ANK2: variants seen among roughly 807,000 people sequenced by gnomAD.
ANK2 encodes the protein ankyrin 2.
Under a neutral mutation model 360.5 loss-of-function variants are expected in ANK2, and 83 were observed. The ratio of observed to expected loss-of-function variants is 0.23; its 90% CI spans 0.19 to 0.28. The LOEUF is 0.28. ANK2 is among the 10% of genes least tolerant of loss of function. The pLI is 1.00. For missense variants in ANK2, 4,201 were observed against 4,795.7 expected (o/e 0.88, Z 3.66); for synonymous variants, 1,740 against 1,759.5 (o/e 0.99, Z 0.28).
intron 1 of ANK2, among the ~76,000 whole-genome samples, chr4:113,129,218 C>G (rs1471604526): frequency 6.6e-6 from 1 of 152,010 alleles, no homozygotes; most frequent in Non-Finnish European, 1.5e-5. Context: ...TAGTAGAATT[C>G]CAGTGAACAA....
At chr4:112,911,558 A>G (rs979646144) in intron 2 of ANK2, among the ~76,000 whole-genome samples, 1 of 152,100 alleles carries the variant, frequency 6.6e-6, no homozygotes, top group African/African-American at 2.4e-5. Context: ...CTTGGGCTCA[A>G]GAGATCCTCC....
the ANK2 span, among the ~76,000 whole-genome samples, chr4:112,728,292 CAAAAAAAAA>C: frequency 1.0e-4 from 4 of 40,128 alleles, no homozygotes; most frequent in South Asian, 1.6e-3. Context: ...GACTCTGTCT[CAAAAAAAAA>C]AAAAAAAAAA....
intron 5 of ANK2, among the ~76,000 whole-genome samples, chr4:113,233,103 TCTG>T (rs1563056497): frequency 3.5e-5 from 1 of 28,616 alleles, no homozygotes; most frequent in Admixed American, 4.3e-4. Context: ...GCTTGGCTTT[TCTG>T]TTTTTTTTTT....
intron 2 of ANK2, among the ~76,000 whole-genome samples, chr4:113,025,159 C>CT (rs75355364): frequency 0.056 from 8,544 of 152,116 alleles, 526 homozygotes; most frequent in East Asian, 0.24. Flanking sequence ...TTTCTGCCCC[C>CT]TGCCCCAATT....
Position 113,358,324 on chromosome 4 carries a change from C to G in ANK2, c.9706C>G (p.Leu3236Val). 6.2e-7 allele frequency: 1 copy of G among 1,613,548 alleles called. No individual in the cohort carries two copies. Among genetic ancestry groups the G allele is most frequent in the East Asian group, 2.2e-5 (1 of 44,858 alleles). ...PTVQTGDIPPLSGVKQISCPD... is the reference protein window; with the variant it reads ...PTVQTGDIPPVSGVKQISCPD... ...CGTGCAAACGGGTGATATACCTCCT[C>G]TCTCTGGTGTAAAGCAGATATCCTG... Residue 3236 changes from leucine (L) to valine (V), a missense_variant, in exon 38 of 46, where the codon CTC becomes GTC. Leu to Val is a conservative substitution (Grantham distance 32, BLOSUM62 1). Coordinates refer to ENST00000357077, the MANE Select transcript of ANK2 (RefSeq NM_001148.6).
chr4:113,251,606 C>A (rs896442512), intron 10 of ANK2, among the ~76,000 whole-genome samples: 14 of 151,418 alleles, frequency 9.2e-5, no homozygotes, highest in African/African-American at 2.4e-4. Flanking sequence ...CCTCAGCCTC[C>A]CGAGTAGCTG....
the ANK2 span, among the ~76,000 whole-genome samples, chr4:112,732,858 G>A: frequency 1.3e-5 from 2 of 151,762 alleles, no homozygotes; most frequent in African/African-American, 2.4e-5. Flanking sequence ...GAGGCGGGGG[G>A]ATCACAAGGT....
intron 1 of ANK2, among the ~76,000 whole-genome samples, chr4:113,125,917 A>G (rs2095636748): frequency 6.6e-6 from 1 of 152,228 alleles, no homozygotes; most frequent in African/African-American, 2.4e-5. Context: ...GTTTTCTTTA[A>G]TAGGTGTTAC....
intron 4 of ANK2, among the ~76,000 whole-genome samples, chr4:113,217,877 T>C (rs971038091): frequency 6.6e-6 from 1 of 152,258 alleles, no homozygotes; most frequent in Non-Finnish European, 1.5e-5. Context: ...TTTGAGGTTT[T>C]ATCTTTGGCA....
intron 27 of ANK2, among the ~76,000 whole-genome samples, chr4:113,331,124 T>C (rs2092346609): frequency 1.3e-5 from 2 of 152,216 alleles, no homozygotes; most frequent in South Asian, 2.1e-4. Context: ...TGGCATTTCA[T>C]TGTGCCAAGA....
At chr4:113,303,040 T>G (rs531219228) in intron 23 of ANK2, among the ~76,000 whole-genome samples, 1 of 152,302 alleles carries the variant, frequency 6.6e-6, no homozygotes, top group Non-Finnish European at 1.5e-5. Context: ...TATTTGTTTC[T>G]GGTATTATTT....
chr4:113,101,717 T>A (rs2092872694), intron 1 of ANK2, among the ~76,000 whole-genome samples: 1 of 152,048 alleles, frequency 6.6e-6, no homozygotes, highest in Non-Finnish European at 1.5e-5. Flanking sequence ...TACTAGAAGT[T>A]GTGGTAGGTG....
intron 2 of ANK2, among the ~76,000 whole-genome samples, chr4:113,029,915 A>G (rs2060045696): frequency 6.6e-6 from 1 of 152,144 alleles, no homozygotes; most frequent in South Asian, 2.1e-4. Flanking sequence ...CATCCATACA[A>G]TTTTACATGG....
chr4:112,719,726 CAAA>C, the ANK2 span, among the ~76,000 whole-genome samples: 9 of 101,532 alleles, frequency 8.9e-5, no homozygotes, highest in Non-Finnish European at 1.0e-4. Flanking sequence ...GACTCCGACT[CAAA>C]AAAAAAAAAA....
chr4:113,160,143 A>G (rs906584581), intron 1 of ANK2, among the ~76,000 whole-genome samples: 3 of 152,208 alleles, frequency 2.0e-5, no homozygotes, highest in Non-Finnish European at 4.4e-5. Context: ...TAGTAATGAT[A>G]CAGACACACT....
chr4:112,735,370 C>G, the ANK2 span, among the ~76,000 whole-genome samples: 1 of 147,626 alleles, frequency 6.8e-6, no homozygotes, highest in African/African-American at 2.5e-5. Flanking sequence ...TATAAAATTC[C>G]CTGGATGTGG....
At chr4:113,371,473 G>C (rs2096737005) in intron 43 of ANK2, among the ~76,000 whole-genome samples, 1 of 152,154 alleles carries the variant, frequency 6.6e-6, no homozygotes, top group African/African-American at 2.4e-5. Context: ...CATAGGCTTA[G>C]TGAAGTTAGA....
chr4:112,740,450 A>G, the ANK2 span, among the ~76,000 whole-genome samples: 1 of 152,042 alleles, frequency 6.6e-6, no homozygotes, highest in Admixed American at 6.6e-5. Flanking sequence ...CACACCTGTA[A>G]TCTCAGCACT....
intron 1 of ANK2, among the ~76,000 whole-genome samples, chr4:112,829,403 C>T (rs1039093368): frequency 5.4e-5 from 8 of 148,786 alleles, no homozygotes; most frequent in Non-Finnish European, 1.2e-4. Context: ...TGCCTATAAT[C>T]CCAGCACTTT....
Sources: gnomAD v4.1 joint callset for allele counts (sites outside exome capture counted in the v4.1 genomes callset) on GRCh38, gnomAD v4.1.1 for gene constraint, MANE v1.5 for transcripts, NCBI Gene and HGNC (gene_info 2026-07-23, HGNC 2026-07-21) for gene names.